NTN4: variants seen among roughly 807,000 people sequenced by gnomAD.
NTN4 encodes the protein netrin 4.
Under a neutral mutation model 73.6 loss-of-function variants are expected in NTN4, and 32 were observed. The ratio of observed to expected loss-of-function variants is 0.44; its 90% CI spans 0.33 to 0.58. NTN4 has a LOEUF of 0.58. Among genes scored for constraint, NTN4 ranks in the 20% least tolerant of loss-of-function variants. The pLI is 0.04. For synonymous variants in NTN4, 258 were observed against 287.5 expected (o/e 0.90, Z 1.04); for missense variants, 654 against 798.3 (o/e 0.82, Z 2.18).
chr12:95,671,761 C>CAA (rs1489364124), intron 7 of NTN4, among the ~76,000 whole-genome samples: 1 of 152,178 alleles, frequency 6.6e-6, no homozygotes, highest in Non-Finnish European at 1.5e-5. Context: ...CCCTTCAAGA[C>CAA]AATGGCTATA....
At chr12:95,704,483 G>C (rs2078509174) in intron 5 of NTN4, among the ~76,000 whole-genome samples, 1 of 152,094 alleles carries the variant, frequency 6.6e-6, no homozygotes, top group Non-Finnish European at 1.5e-5. Flanking sequence ...TAACTTATTT[G>C]TCATAAGCTT....
intron 8 of NTN4, among the ~76,000 whole-genome samples, chr12:95,669,716 G>A (rs1342832297): frequency 6.6e-6 from 1 of 152,180 alleles, no homozygotes; most frequent in East Asian, 1.9e-4. Flanking sequence ...TACGACAAAC[G>A]AACACAAGAG....
chr12:95,751,354 A>T (rs1469352392), intron 2 of NTN4, among the ~76,000 whole-genome samples: 1 of 152,166 alleles, frequency 6.6e-6, no homozygotes, highest in African/African-American at 2.4e-5. Context: ...CTGTGAGACA[A>T]ACCCCAGCCA....
chr12:95,760,196 C>T (rs999165408), intron 2 of NTN4, among the ~76,000 whole-genome samples: 3 of 152,082 alleles, frequency 2.0e-5, no homozygotes, highest in Admixed American at 1.3e-4. Flanking sequence ...CTAATTTAAC[C>T]CTATTACAAA....
chr12:95,758,414 T>A (rs1310249256), intron 2 of NTN4, among the ~76,000 whole-genome samples: 1 of 152,210 alleles, frequency 6.6e-6, no homozygotes, highest in Non-Finnish European at 1.5e-5. Context: ...TCAGTTTCAA[T>A]TCTTGTTTTC....
intron 2 of NTN4, among the ~76,000 whole-genome samples, chr12:95,776,241 A>T (rs1248171123): frequency 6.6e-6 from 1 of 152,222 alleles, no homozygotes; most frequent in African/African-American, 2.4e-5. Context: ...GGAAGTTCTA[A>T]AAATCAGAAC....
chr12:95,730,028 AAG>A (rs2078726621), intron 3 of NTN4, among the ~76,000 whole-genome samples: 1 of 152,202 alleles, frequency 6.6e-6, no homozygotes, highest in African/African-American at 2.4e-5. Flanking sequence ...ACTGAAAAGG[AAG>A]TATTCATGAG....
intron 2 of NTN4, among the ~76,000 whole-genome samples, chr12:95,741,473 ATC>A (rs1409454318): frequency 1.0e-5 from 1 of 98,776 alleles, no homozygotes; most frequent in Non-Finnish European, 2.0e-5. Context: ...ATATATATAT[ATC>A]TCCTCCATGC....
At chr12:95,678,734 C>T (rs182345817) in intron 7 of NTN4, among the ~76,000 whole-genome samples, 4 of 151,852 alleles carry the variant, frequency 2.6e-5, no homozygotes, top group Non-Finnish European at 5.9e-5. Context: ...ATACTGGAAT[C>T]AGTAAACAAG....
chr12:95,668,621 T>C (rs1407393013), intron 8 of NTN4, among the ~76,000 whole-genome samples: 1 of 152,238 alleles, frequency 6.6e-6, no homozygotes, highest in Non-Finnish European at 1.5e-5. Flanking sequence ...CCTAAATACT[T>C]GGTTTCATAA....
At chr12:95,749,320 G>C (rs1244070022) in intron 2 of NTN4, among the ~76,000 whole-genome samples, 1 of 152,148 alleles carries the variant, frequency 6.6e-6, no homozygotes, top group Non-Finnish European at 1.5e-5. Flanking sequence ...GACCTCCCTT[G>C]GGAGATCAAT....
intron 1 of NTN4, among the ~76,000 whole-genome samples, chr12:95,788,570 A>T (rs971870108): frequency 3.3e-5 from 5 of 152,198 alleles, no homozygotes; most frequent in Non-Finnish European, 5.9e-5. Flanking sequence ...GGCTAATTGA[A>T]TGTTTCTGCT....
intron 3 of NTN4, among the ~76,000 whole-genome samples, chr12:95,726,440 A>G (rs2078694584): frequency 6.6e-6 from 1 of 152,220 alleles, no homozygotes; most frequent in African/African-American, 2.4e-5. Flanking sequence ...TATAACGTGT[A>G]TCAGTATTTC....
At chr12:95,691,861 C>T (rs1471976429) in intron 5 of NTN4, among the ~76,000 whole-genome samples, 3 of 152,102 alleles carry the variant, frequency 2.0e-5, no homozygotes, top group Admixed American at 2.0e-4. Flanking sequence ...GCTGTATGGC[C>T]TGTCTAGGTG....
chr12:95,694,108 A>G (rs909092092), intron 5 of NTN4, among the ~76,000 whole-genome samples: 12 of 152,180 alleles, frequency 7.9e-5, no homozygotes, highest in South Asian at 2.1e-4. Context: ...GAAACCACCA[A>G]TGGAATTCAG....
At chr12:95,694,441 T>C (rs1300559302) in intron 5 of NTN4, among the ~76,000 whole-genome samples, 1 of 151,956 alleles carries the variant, frequency 6.6e-6, no homozygotes, top group Non-Finnish European at 1.5e-5. Flanking sequence ...AGTGAAGTCA[T>C]TCCAAAAGCT....
chr12:95,787,053 A>G lies in NTN4; in HGVS notation c.471T>C (p.Tyr157=). The G allele has an allele frequency of 6.2e-7, 1 of 1,614,226 alleles. No individual in the cohort carries two copies. The highest frequency in any genetic ancestry group is 8.5e-7 in the Non-Finnish European group (1 of 1,180,040). The change falls in exon 2 of 10, where the codon TAT becomes TAC. Residue 157 remains tyrosine (Y), a synonymous_variant. Transcript: ENST00000343702. ...CGGAGCAGTTAGTCGCAAAGTACTTATAAGGCTTCCATGTTTTCCCAAAGT... is the reference window on the plus strand; with the variant it reads ...CGGAGCAGTTAGTCGCAAAGTACTTGTAAGGCTTCCATGTTTTCCCAAAGT... ...SQDFGKTWKP[Y]KYFATNCSAT...
intron 5 of NTN4, among the ~76,000 whole-genome samples, chr12:95,699,228 A>T (rs1442029197): frequency 6.6e-6 from 1 of 152,212 alleles, no homozygotes; most frequent in Non-Finnish European, 1.5e-5. Context: ...CAAACCTACA[A>T]TTTGAAAGAA....
At position 95,790,628 on chromosome 12, in the gene NTN4, G is replaced by A. The variant is rs2079202717; in HGVS notation, c.-319C>T. ...CTGCGGGCTCGTCTGCCGCTAGCCC[G>A]GGGCTCGGCGCCCGCAGCCGCCGCT... On this transcript the variant is annotated 5_prime_UTR_variant, in exon 1 of 10. Transcript: ENST00000343702. This position sits in a 1 kb window ranked among gnomAD's most constrained non-coding sequence, Gnocchi z 6.5. 2 of 203,266 alleles carry A rather than the reference G, an allele frequency of 9.8e-6. No individual in the cohort carries two copies. The highest frequency in any genetic ancestry group is 1.7e-4 in the South Asian group (1 of 5,742). 12.6% of individuals were successfully genotyped at this position (203,266 alleles called of 1,614,324 possible).
Sources: gnomAD v4.1 joint callset for allele counts (sites outside exome capture counted in the v4.1 genomes callset) on GRCh38, gnomAD v4.1.1 for gene constraint, Gnocchi (gnomAD v3.1) non-coding constraint, MANE v1.5 for transcripts, NCBI Gene and HGNC (gene_info 2026-07-23, HGNC 2026-07-21) for gene names.